Variants in COL13A1 observed in about 807,000 individuals in gnomAD.
The protein encoded by COL13A1 is collagen alpha-1(XIII) chain.
In COL13A1, 89 loss-of-function variants were observed where a neutral mutation model predicts 130.9. The observed-to-expected ratio is 0.68, with a 90% CI of 0.57 to 0.81. The LOEUF (loss-of-function observed/expected upper bound fraction) is 0.81, where lower values mean the gene tolerates loss of function less well. Among genes scored for constraint, COL13A1 ranks in the 30% least tolerant of loss-of-function variants. The pLI is 0.00. For missense variants in COL13A1, 879 were observed against 934.6 expected, an observed-to-expected ratio of 0.94 and a Z score of 0.78; for synonymous variants, 402 against 341.6, an observed-to-expected ratio of 1.18 and a Z score of -1.95.
chr10:69,809,271 T>C (rs2132187191), intron 1 of COL13A1, among the ~76,000 whole-genome samples: 1 of 152,332 alleles, frequency 6.6e-6, no homozygotes. Context: ...ACTGTAACCA[T>C]TGCCACCTCG....
rs1840224233 is a variant in COL13A1, at chr10:69,802,366, C to A, written c.-58C>A. The stretch of plus-strand genomic sequence containing the variant: ...CAGTTTGGATAGAGCCTTTTGGCAG[C>A]GGCTGTCGCCTTTATTTATTCTATT... On this transcript the variant is annotated 5_prime_UTR_variant, in exon 1 of 41. Transcript: ENST00000645393. 4 of 1,389,822 alleles carry A rather than the reference C, an allele frequency of 2.9e-6. No homozygotes were observed. The highest frequency in any genetic ancestry group is 3.7e-6 in the Non-Finnish European group (4 of 1,075,944). The allele number at this position is 1,389,822 out of a possible 1,614,324, so 86.1% of individuals were successfully genotyped here.
chr10:69,850,126 A>C (rs1854326368), intron 2 of COL13A1, among the ~76,000 whole-genome samples: 1 of 152,010 alleles, frequency 6.6e-6, no homozygotes. Flanking sequence ...TTTGGTTCTC[A>C]ACTACAGCAA....
At chr10:69,817,700 G>A (rs1484276556) in intron 1 of COL13A1, among the ~76,000 whole-genome samples, 1 of 151,998 alleles carries the variant, frequency 6.6e-6, no homozygotes, top group Admixed American at 6.5e-5. Context: ...CAGACAGGGG[G>A]TGGTGATAAT....
At chr10:69,889,186 G>A (rs1322082608) in intron 9 of COL13A1, among the ~76,000 whole-genome samples, 1 of 152,226 alleles carries the variant, frequency 6.6e-6, no homozygotes, top group East Asian at 1.9e-4. Flanking sequence ...TCTCTGAAGG[G>A]CAGGCAGCTG....
intron 30 of COL13A1, among the ~76,000 whole-genome samples, chr10:69,931,854 T>A (rs1161155603): frequency 6.6e-6 from 1 of 152,198 alleles, no homozygotes; most frequent in East Asian, 1.9e-4. Context: ...GGGTCAGGAA[T>A]TCAGGCACAT....
chr10:69,902,033 G>A (rs185719442), intron 14 of COL13A1, among the ~76,000 whole-genome samples: 96 of 152,290 alleles, frequency 6.3e-4, no homozygotes, highest in African/African-American at 2.2e-3. Context: ...GGCTGTGTGT[G>A]AGAAGGGCTA....
intron 21 of COL13A1, 122 bp from the exon 22 acceptor site, chr10:69,921,759 TG>T: frequency 3.9e-6 from 5 of 1,295,348 alleles, no homozygotes; most frequent in East Asian, 2.5e-5. Flanking sequence ...GAAAGCCAGC[TG>T]GGGGCAGGGG....
rs557772460 is a variant in COL13A1 at position 69,852,643 on chromosome 10, C to A, written c.365-15155C>A. On this transcript the variant is annotated intron_variant, in intron 2 of 40. Transcript: ENST00000645393. ...CTGGGCTGGTGTGGACCCAGGAAGT[C>A]CTCTGACGAGCCTTGCAGCCCCACG... Among the ~76,000 whole-genome samples, 8 of 152,366 alleles carry A rather than the reference C, an allele frequency of 5.3e-5. No individual in the cohort carries two copies. The East Asian group carries it at 1.5e-3, about 29-fold the overall frequency.
At chr10:69,817,744 G>A (rs1336529588) in intron 1 of COL13A1, among the ~76,000 whole-genome samples, 1 of 151,958 alleles carries the variant, frequency 6.6e-6, no homozygotes, top group Non-Finnish European at 1.5e-5. Flanking sequence ...GGCACGGAGG[G>A]AAGTGACACA....
At chr10:69,845,523 C>T (rs969222577) in intron 2 of COL13A1, among the ~76,000 whole-genome samples, 4 of 151,900 alleles carry the variant, frequency 2.6e-5, no homozygotes, top group African/African-American at 9.7e-5. Context: ...CTCTAAATAC[C>T]CCCACCCCTG....
At chr10:69,814,546 A>AT (rs1394891776) in intron 1 of COL13A1, among the ~76,000 whole-genome samples, 2 of 152,108 alleles carry the variant, frequency 1.3e-5, no homozygotes, top group African/African-American at 4.8e-5. Context: ...ACCTCTGTTT[A>AT]TTTTTTTGCC....
chr10:69,904,876 C>G, intron 15 of COL13A1, 57 bp from the exon 16 acceptor site: 1 of 1,532,530 alleles, frequency 6.5e-7, no homozygotes. Context: ...TGGCTAGCCC[C>G]AACCAGCTCT....
intron 4 of COL13A1, among the ~76,000 whole-genome samples, chr10:69,874,452 C>A (rs2683557): frequency 0.74 from 113,040 of 152,156 alleles, 42,364 homozygotes; most frequent in East Asian, 0.94. Flanking sequence ...GGGGGAGGAA[C>A]AAAACTTAAT....
intron 14 of COL13A1, 99 bp downstream of exon 14, chr10:69,898,861 G>A: frequency 1.1e-6 from 1 of 912,404 alleles, no homozygotes; most frequent in Non-Finnish European, 1.6e-6. Context: ...CTCTAATTCA[G>A]TGAAATTAAA....
At chr10:69,898,827 G>A (rs2061916647) in intron 14 of COL13A1, 65 bp downstream of exon 14, 1 of 1,331,800 alleles carries the variant, frequency 7.5e-7, no homozygotes, top group Non-Finnish European at 1.0e-6. Context: ...GCCTGCTGGG[G>A]CTGCAGACAA....
intron 2 of COL13A1, among the ~76,000 whole-genome samples, chr10:69,835,392 C>T (rs897580683): frequency 5.9e-5 from 9 of 152,062 alleles, no homozygotes; most frequent in Non-Finnish European, 2.9e-5. Flanking sequence ...CCTCCTGGAC[C>T]CACCCAGGCT....
chr10:69,934,354 G>A (rs532613420), intron 31 of COL13A1, among the ~76,000 whole-genome samples: 2 of 152,152 alleles, frequency 1.3e-5, no homozygotes, highest in Non-Finnish European at 2.9e-5. Context: ...CTTTTTTTAA[G>A]AAGGCAGAGT....
At position 69,944,109 on chromosome 10, in the gene COL13A1, T is replaced by C. The variant is rs1203493370; in HGVS notation, c.1915-16T>C. 2 of 1,612,726 alleles carry C rather than the reference T, an allele frequency of 1.2e-6. No homozygotes were observed. Among genetic ancestry groups the C allele is most frequent in the South Asian group, 2.2e-5 (2 of 90,964 alleles). On this transcript the variant is annotated splice_polypyrimidine_tract_variant and intron_variant, in intron 35 of 40. Coordinates refer to ENST00000645393, the MANE Select transcript of COL13A1 (RefSeq NM_001368882.1). ...AGTGTGGGGACCCTCACCTCTGCTT[T>C]CTTTCCCCTTCCCAGGGTACTCCAG...
chr10:69,900,943 C>T (rs2062122936), intron 14 of COL13A1, among the ~76,000 whole-genome samples: 1 of 152,140 alleles, frequency 6.6e-6, no homozygotes, highest in African/African-American at 2.4e-5. Flanking sequence ...CAGAAAGGAG[C>T]TCGGGAGTTT....
Sources: gnomAD v4.1 joint callset for allele counts (sites outside exome capture counted in the v4.1 genomes callset) on GRCh38, gnomAD v4.1.1 for gene constraint, MANE v1.5 for transcripts, NCBI Gene and HGNC (gene_info 2026-07-23, HGNC 2026-07-21) for gene names.